SUMF1: variants seen among roughly 807,000 people sequenced by gnomAD.
The protein encoded by SUMF1 is sulfatase modifying factor 1.
A neutral mutation model predicts 47.6 loss-of-function variants in SUMF1; 48 were observed. The observed-to-expected ratio is 1.01, with a 90% CI of 0.80 to 1.28. The LOEUF is 1.28. Ranked by LOEUF, SUMF1 falls within the 50% of genes most tolerant of loss-of-function variation. The pLI is 0.00. For missense variants in SUMF1, 571 were observed against 485.4 expected (o/e 1.18, Z -1.66); for synonymous variants, 230 against 192.1 (o/e 1.20, Z -1.63).
In SUMF1 at chr3:4,151,701, T is replaced by TAAA. The variant is rs34007844; in HGVS notation, c.1015-82959_1015-82957dup. Among the ~76,000 whole-genome samples, 10 of 138,174 alleles carry TAAA rather than the reference T, an allele frequency of 7.2e-5. 1 individual carries two copies. The highest frequency in any genetic ancestry group is 2.7e-4 in the African/African-American group (10 of 36,402). 90.6% of individuals were successfully genotyped at this position (138,174 alleles called of 152,430 possible). The stretch of plus-strand genomic sequence containing the variant: ...AATATGCTAATAATAGCTGATGAGC[T>TAAA]AAAAAAAAAAAAAATCACAAAAAAA... On this transcript the variant is annotated intron_variant and NMD_transcript_variant, in intron 8 of 12. Coordinates refer to the SUMF1 transcript ENST00000448413.
intron 8 of SUMF1, among the ~76,000 whole-genome samples, chr3:4,157,464 C>T (rs1321863143): frequency 6.6e-6 from 1 of 151,508 alleles, no homozygotes; most frequent in Non-Finnish European, 1.5e-5. Flanking sequence ...TGATTTACTT[C>T]TTTCCCCAAA....
At chr3:4,103,866 G>A (rs564094433) in intron 8 of SUMF1, among the ~76,000 whole-genome samples, 4 of 152,246 alleles carry the variant, frequency 2.6e-5, no homozygotes, top group African/African-American at 9.6e-5. Flanking sequence ...TGCTTAGAAA[G>A]TTTGGAAGAG....
chr3:4,092,084 T>G (rs2125053815), intron 8 of SUMF1, among the ~76,000 whole-genome samples: 1 of 152,208 alleles, frequency 6.6e-6, no homozygotes, highest in Admixed American at 6.5e-5. Flanking sequence ...CTTGGCCTGA[T>G]GTATTATTGT....
chr3:4,049,702 T>C (rs928034488), intron 9 of SUMF1, among the ~76,000 whole-genome samples: 4 of 152,142 alleles, frequency 2.6e-5, no homozygotes, highest in African/African-American at 9.7e-5. Context: ...CTTTCAGCCT[T>C]GCCATTCGCG....
At chr3:4,084,987 G>C (rs563059936) in intron 8 of SUMF1, among the ~76,000 whole-genome samples, 1 of 151,918 alleles carries the variant, frequency 6.6e-6, no homozygotes, top group Non-Finnish European at 1.5e-5. Context: ...TACAGTATGT[G>C]TCTTGATTCA....
At chr3:4,075,235 C>T (rs1474211498) in intron 8 of SUMF1, among the ~76,000 whole-genome samples, 1 of 152,024 alleles carries the variant, frequency 6.6e-6, no homozygotes, top group Non-Finnish European at 1.5e-5. Context: ...GAACCAACGA[C>T]AAAAACCACA....
chr3:4,091,919 TTAAG>T (rs981607988), intron 8 of SUMF1, among the ~76,000 whole-genome samples: 1 of 150,502 alleles, frequency 6.6e-6, no homozygotes, highest in African/African-American at 2.4e-5. Flanking sequence ...CCAGGGACCA[TTAAG>T]TAATACTTGG....
Position 4,417,167 on chromosome 3 carries a change from C to A in SUMF1, c.801G>T (p.Val267=), listed in dbSNP as rs775505041. ...GGAAGCCATCCTCACCAGTGTTGGTCACCGGAAACTCGCCCTGCCAAATGT... is the reference window on the plus strand; with the variant it reads ...GGAAGCCATCCTCACCAGTGTTGGTAACCGGAAACTCGCCCTGCCAAATGT... The part of the protein sequence containing the change: ...YANIWQGEFP[V]TNTGEDGFQG... Residue 267 remains valine, a synonymous_variant, in exon 6 of 9, where the codon GTG becomes GTT. Transcript: ENST00000272902. The A allele has an allele frequency of 6.2e-7, 1 of 1,613,986 alleles. No homozygotes were observed. Among genetic ancestry groups the A allele is most frequent in the South Asian group, 1.1e-5 (1 of 91,044 alleles).
chr3:4,209,972 G>A (rs561107420), intron 8 of SUMF1, among the ~76,000 whole-genome samples: 28 of 152,250 alleles, frequency 1.8e-4, no homozygotes, highest in Non-Finnish European at 3.5e-4. Context: ...TCAGCTCACT[G>A]TAACCTCCAC....
rs563791304 is a variant in SUMF1, at chr3:4,249,078, G to T, written c.1014+127252C>A. Among the ~76,000 whole-genome samples the T allele has an allele frequency of 2.5e-4, 38 of 152,212 alleles. No individual in the cohort carries two copies. In the South Asian group the frequency reaches 5.8e-3, roughly 23 times the overall value. ...GCCACTTGGCCCATGAGGCACATGG[G>T]GTCACCTGCTCCTAACTCAGAAGGT... On this transcript the variant is annotated intron_variant and NMD_transcript_variant, in intron 8 of 12. Transcript: ENST00000448413.
intron 7 of SUMF1, among the ~76,000 whole-genome samples, chr3:4,394,413 C>G (rs1433944692): frequency 6.6e-6 from 1 of 152,154 alleles, no homozygotes; most frequent in Non-Finnish European, 1.5e-5. Context: ...CCATCTCGCT[C>G]TCCCAAAGTG....
At chr3:4,429,176 G>A (rs533624862) in intron 3 of SUMF1, among the ~76,000 whole-genome samples, 9 of 152,304 alleles carry the variant, frequency 5.9e-5, no homozygotes, top group African/African-American at 1.4e-4. Context: ...ACCTGAGAGC[G>A]TGTCTTTATA....
intron 8 of SUMF1, among the ~76,000 whole-genome samples, chr3:4,108,673 T>C (rs1365697726): frequency 6.6e-6 from 1 of 152,140 alleles, no homozygotes; most frequent in Admixed American, 6.6e-5. Context: ...TTTACCATTA[T>C]GTAATGGCCT....
At chr3:4,253,960 C>A (rs1431742062) in intron 8 of SUMF1, among the ~76,000 whole-genome samples, 21 of 150,726 alleles carry the variant, frequency 1.4e-4, no homozygotes, top group African/African-American at 3.9e-4. Flanking sequence ...TGACCCCTGA[C>A]CCCCGAGCAG....
intron 8 of SUMF1, among the ~76,000 whole-genome samples, chr3:4,137,217 C>G (rs1350231935): frequency 3.9e-5 from 6 of 152,030 alleles, no homozygotes; most frequent in Non-Finnish European, 8.8e-5. Flanking sequence ...GACTTGGAAC[C>G]AACCCAAATG....
chr3:4,104,908 G>A (rs1372968678), intron 8 of SUMF1, among the ~76,000 whole-genome samples: 2 of 152,062 alleles, frequency 1.3e-5, no homozygotes, highest in Admixed American at 1.3e-4. Flanking sequence ...TCAGTATGTT[G>A]AAGAGATACC....
intron 8 of SUMF1, among the ~76,000 whole-genome samples, chr3:4,335,171 C>G (rs1559230367): frequency 1.3e-5 from 2 of 152,144 alleles, no homozygotes; most frequent in African/African-American, 4.8e-5. Context: ...AAAAAGTGAT[C>G]TCTGCCTGCA....
In SUMF1 at chr3:4,143,454, G is replaced by A. The variant is rs62259286; in HGVS notation, c.1015-74709C>T. 5.8e-3 allele frequency among the ~76,000 whole-genome samples: 887 copies of A among 152,180 alleles called. 7 individuals carry two copies. Among genetic ancestry groups the A allele is most frequent in the Middle Eastern group, 0.014 (4 of 292 alleles). ...AGAAGGTCAGATAGTAGGATTTCAA[G>A]CAAGAACAGTAGCAATTACATCTGA... On this transcript the variant is annotated intron_variant and NMD_transcript_variant, in intron 8 of 12. Coordinates refer to the SUMF1 transcript ENST00000448413.
rs1215549413 is a variant in SUMF1, at chr3:4,417,243, C to T, written c.726-1G>A. On this transcript the variant is annotated splice_acceptor_variant, in intron 5 of 8. Transcript: ENST00000272902. LOFTEE classifies it high-confidence loss of function. ...CAGTTTGTTGCCCCAGGGGAAAAGT[C>T]TGTCAGAAGAGACACAGGCATCAGC... is the stretch of plus-strand genomic sequence containing the variant. 6.2e-7 allele frequency: 1 copy of T among 1,613,730 alleles called. No individual in the cohort carries two copies. Among genetic ancestry groups the T allele is most frequent in the Non-Finnish European group, 8.5e-7 (1 of 1,179,754 alleles).
Sources: gnomAD v4.1 joint callset for allele counts (sites outside exome capture counted in the v4.1 genomes callset) on GRCh38, gnomAD v4.1.1 for gene constraint, MANE v1.5 for transcripts, NCBI Gene and HGNC (gene_info 2026-07-23, HGNC 2026-07-21) for gene names.